Variants in DCC observed in about 807,000 individuals in gnomAD.
The protein encoded by DCC is netrin receptor DCC.
In DCC, 58 loss-of-function variants were observed where a neutral mutation model predicts 172.5. The observed-to-expected ratio is 0.34, with a 90% confidence interval of 0.27 to 0.42. The LOEUF is 0.42. Ranked by LOEUF, DCC falls within the 10% of genes least tolerant of loss-of-function variation. The probability of loss-of-function intolerance (pLI) is 1.00; values close to 1 mark genes in which losing one functional copy is unlikely to be tolerated. For synonymous variants in DCC, 709 were observed against 644.5 expected (o/e 1.10, Z -1.52); for missense variants, 1,740 against 1,791.0 (o/e 0.97, Z 0.51).
intron 7 of DCC, among the ~76,000 whole-genome samples, chr18:53,102,115 A>C (rs1178940788): frequency 6.6e-6 from 1 of 152,122 alleles, no homozygotes; most frequent in East Asian, 1.9e-4. Flanking sequence ...AGACTGCTGA[A>C]GTTGTGGAGT....
chr18:52,609,512 G>T (rs1415149147), intron 1 of DCC, among the ~76,000 whole-genome samples: 1 of 152,092 alleles, frequency 6.6e-6, no homozygotes, highest in East Asian at 1.9e-4. Context: ...CAGCTTCTTC[G>T]TTGGATGGAG....
At chr18:52,724,474 C>T (rs1301821534) in intron 1 of DCC, among the ~76,000 whole-genome samples, 1 of 152,094 alleles carries the variant, frequency 6.6e-6, no homozygotes, top group Non-Finnish European at 1.5e-5. Context: ...AATCCTTTCT[C>T]AATAGCCAGT....
chr18:53,099,238 A>G (rs1238711532), intron 7 of DCC, among the ~76,000 whole-genome samples: 1 of 151,814 alleles, frequency 6.6e-6, no homozygotes, highest in South Asian at 2.1e-4. Context: ...TCTTCCCCCT[A>G]TGTATTTATT....
intron 14 of DCC, among the ~76,000 whole-genome samples, chr18:53,330,600 C>T (rs2057519816): frequency 6.6e-6 from 1 of 152,158 alleles, no homozygotes; most frequent in Non-Finnish European, 1.5e-5. Flanking sequence ...GTTCGCTGCT[C>T]AGATTCTTCT....
chr18:52,686,089 C>T (rs567986532), intron 1 of DCC, among the ~76,000 whole-genome samples: 7 of 152,184 alleles, frequency 4.6e-5, no homozygotes, highest in South Asian at 2.1e-4. Context: ...GTTATACAAC[C>T]GAGCTATTCC....
chr18:52,451,941 A>G (rs2144518420), intron 1 of DCC, among the ~76,000 whole-genome samples: 1 of 152,274 alleles, frequency 6.6e-6, no homozygotes, highest in East Asian at 1.9e-4. Flanking sequence ...TTCTGATAAA[A>G]TTCCAAGAGA....
chr18:53,116,960 C>T lies in DCC; in HGVS notation c.1262-40396C>T, dbSNP rs77689832. Among the ~76,000 whole-genome samples the T allele has an allele frequency of 4.8e-3, 721 of 151,732 alleles. 3 individuals carry two copies. The highest frequency in any genetic ancestry group is 7.8e-3 in the Non-Finnish European group (531 of 67,730). On this transcript the variant is annotated intron_variant, in intron 7 of 28. Coordinates refer to ENST00000442544, the MANE Select transcript of DCC (RefSeq NM_005215.4). ...TTGTGACCAAAATAGTTTAGATTTT[C>T]AACCAGCCCATCAAGTGAACTTTCA...
intron 2 of DCC, among the ~76,000 whole-genome samples, chr18:52,818,661 A>G (rs1049960005): frequency 2.6e-5 from 4 of 152,138 alleles, no homozygotes; most frequent in Admixed American, 2.6e-4. Context: ...TGGTCACCAA[A>G]CGTTTTATTT....
chr18:53,289,693 GT>G (rs1045800735), intron 12 of DCC, among the ~76,000 whole-genome samples: 7 of 152,066 alleles, frequency 4.6e-5, no homozygotes, highest in Non-Finnish European at 7.4e-5. Flanking sequence ...CAAAAAGAGT[GT>G]TTTTTTATTT....
At chr18:52,623,700 G>T (rs2034522072) in intron 1 of DCC, among the ~76,000 whole-genome samples, 1 of 151,670 alleles carries the variant, frequency 6.6e-6, no homozygotes, top group Admixed American at 6.5e-5. Context: ...ACCTTGTGTA[G>T]CATTTTCCCC....
chr18:53,206,727 A>G (rs1346224745), intron 10 of DCC, among the ~76,000 whole-genome samples: 4 of 149,780 alleles, frequency 2.7e-5, no homozygotes, highest in African/African-American at 9.8e-5. Context: ...AACTTCATGT[A>G]GGAAAATATA....
At position 52,366,610 on chromosome 18, in the gene DCC, G is replaced by A. The variant is rs546847294; in HGVS notation, c.91+25732G>A. Among the ~76,000 whole-genome samples the A allele has an allele frequency of 3.6e-3, 548 of 151,082 alleles. 7 individuals carry two copies. The highest frequency in any genetic ancestry group is 0.013 in the African/African-American group (517 of 40,770). ...CTAGATACAGAGTGTCGATTGGTGCGCTCAGAAACCTTGAGCTAAACACAG... is the reference window on the plus strand; with the variant it reads ...CTAGATACAGAGTGTCGATTGGTGCACTCAGAAACCTTGAGCTAAACACAG... On this transcript the variant is annotated intron_variant, in intron 1 of 28. Transcript: ENST00000442544.
At chr18:52,979,151 G>C (rs2041167353) in intron 5 of DCC, among the ~76,000 whole-genome samples, 1 of 152,124 alleles carries the variant, frequency 6.6e-6, no homozygotes, top group Non-Finnish European at 1.5e-5. Context: ...TATATTTGAA[G>C]TTGGAAGAGA....
intron 1 of DCC, among the ~76,000 whole-genome samples, chr18:52,665,223 C>T (rs2035442756): frequency 6.6e-6 from 1 of 152,100 alleles, no homozygotes. Context: ...TTGTTTCTAA[C>T]ACAATCAAAG....
At chr18:52,889,706 G>A (rs984658418) in intron 2 of DCC, among the ~76,000 whole-genome samples, 1 of 151,922 alleles carries the variant, frequency 6.6e-6, no homozygotes, top group African/African-American at 2.4e-5. Flanking sequence ...AACCCTTTAG[G>A]GTTGAAATTA....
At chr18:53,237,859 T>C (rs1057018026) in intron 12 of DCC, among the ~76,000 whole-genome samples, 4 of 152,178 alleles carry the variant, frequency 2.6e-5, no homozygotes, top group African/African-American at 7.2e-5. Flanking sequence ...AATTATGTGT[T>C]AGTCACAAAA....
chr18:53,182,796 C>T (rs2055216229), intron 9 of DCC, among the ~76,000 whole-genome samples: 1 of 152,034 alleles, frequency 6.6e-6, no homozygotes, highest in Non-Finnish European at 1.5e-5. Context: ...CCTTTCCTTT[C>T]CTTTCCCATT....
At chr18:52,789,179 A>G (rs1305154951) in intron 2 of DCC, among the ~76,000 whole-genome samples, 1 of 152,148 alleles carries the variant, frequency 6.6e-6, no homozygotes, top group Non-Finnish European at 1.5e-5. Flanking sequence ...CAGATAACAC[A>G]ATGAAAAACA....
At chr18:53,101,064 C>G (rs1454272079) in intron 7 of DCC, among the ~76,000 whole-genome samples, 1 of 152,036 alleles carries the variant, frequency 6.6e-6, no homozygotes, top group Non-Finnish European at 1.5e-5. Context: ...GTCTTTTTTG[C>G]TTTCCTAATA....
Sources: allele counts gnomAD v4.1 joint callset (sites outside exome capture counted in the v4.1 genomes callset), GRCh38; gene constraint gnomAD v4.1.1; transcripts MANE v1.5; gene names NCBI Gene and HGNC (gene_info 2026-07-23, HGNC 2026-07-21).